The following VRK2 variants were observed in gnomAD, a reference collection of about 807,000 sequenced individuals.
VRK2 encodes the protein serine/threonine-protein kinase VRK2.
A neutral mutation model predicts 57.6 loss-of-function variants in VRK2; 60 were observed. The observed-to-expected ratio is 1.04, with a 90% CI of 0.85 to 1.29. VRK2 has a LOEUF of 1.29. VRK2 is among the 50% of genes most tolerant of loss of function. VRK2 has a pLI of 0.00. For synonymous variants in VRK2, 231 were observed against 199.2 expected, an observed-to-expected ratio of 1.16 and a Z score of -1.35; for missense variants, 705 against 588.1, an observed-to-expected ratio of 1.20 and a Z score of -2.06.
chr2:57,952,006 G>A (rs535426430), intron 1 of VRK2, among the ~76,000 whole-genome samples: 4 of 143,984 alleles, frequency 2.8e-5, no homozygotes, highest in Admixed American at 7.3e-5. Context: ...AGATCCTCCC[G>A]CCACAGCCTC....
chr2:58,072,445 C>G (rs143066380), intron 2 of VRK2, among the ~76,000 whole-genome samples: 4 of 151,924 alleles, frequency 2.6e-5, no homozygotes, highest in African/African-American at 9.6e-5. Flanking sequence ...AAGTTTCTAT[C>G]TATTTCTAGT....
chr2:58,095,130 C>T (rs993954392), intron 7 of VRK2, among the ~76,000 whole-genome samples: 4 of 151,966 alleles, frequency 2.6e-5, no homozygotes, highest in African/African-American at 7.3e-5. Flanking sequence ...CCCACCTCTA[C>T]TAAAAATACA....
At chr2:58,128,089 G>T (rs1301787753) in intron 8 of VRK2, among the ~76,000 whole-genome samples, 1 of 152,058 alleles carries the variant, frequency 6.6e-6, no homozygotes, top group Non-Finnish European at 1.5e-5. Context: ...CTTCTTTATT[G>T]GAATGAAATA....
chr2:58,081,460 T>G (rs1469425655), intron 2 of VRK2, among the ~76,000 whole-genome samples: 1 of 151,932 alleles, frequency 6.6e-6, no homozygotes, highest in Non-Finnish European at 1.5e-5. Context: ...TCTAACTGTG[T>G]TTTCTTTTTC....
intron 2 of VRK2, among the ~76,000 whole-genome samples, chr2:58,051,493 T>C (rs1045912863): frequency 2.0e-5 from 3 of 152,236 alleles, no homozygotes; most frequent in Admixed American, 1.3e-4. Flanking sequence ...TTACATCATG[T>C]TTTTGCATTT....
intron 2 of VRK2, chr2:58,026,989 G>A (rs1673950555): frequency 6.6e-6 from 1 of 151,866 alleles, no homozygotes; most frequent in Non-Finnish European, 1.5e-5. Context: ...AAAGTGCTGG[G>A]ATTACAGGCT....
chr2:58,127,538 A>T (rs1678553012), intron 8 of VRK2, among the ~76,000 whole-genome samples: 1 of 152,170 alleles, frequency 6.6e-6, no homozygotes, highest in Non-Finnish European at 1.5e-5. Context: ...AAATTGCAGT[A>T]AGTCATGGTC....
intron 1 of VRK2, among the ~76,000 whole-genome samples, chr2:57,985,146 AACTT>A (rs1484969080): frequency 2.0e-5 from 3 of 152,048 alleles, no homozygotes; most frequent in Admixed American, 6.5e-5. Flanking sequence ...TATTGGGTAA[AACTT>A]AATTTAATAG....
chr2:58,077,313 C>T lies in VRK2; in HGVS notation c.137-6776C>T, dbSNP rs76371772. Among the ~76,000 whole-genome samples, 1,011 of 152,142 alleles carry T rather than the reference C, an allele frequency of 6.6e-3. 17 individuals are homozygous for T. Among genetic ancestry groups the T allele is most frequent in the East Asian group, 0.043 (224 of 5,166 alleles). ...GTTCATTGAATCATGATTTCCTCCA[C>T]ACAAGTCCTCGGATTCTTAATTTGT... On this transcript the variant is annotated intron_variant, in intron 2 of 12. Coordinates refer to ENST00000340157, the MANE Select transcript of VRK2 (RefSeq NM_006296.7).
chr2:57,911,918 A>T (rs1669997335), intron 1 of VRK2, among the ~76,000 whole-genome samples: 1 of 152,192 alleles, frequency 6.6e-6, no homozygotes, highest in African/African-American at 2.4e-5. Flanking sequence ...TGGGAATATA[A>T]TGAGTTATAA....
At chr2:57,974,488 T>C (rs933864607) in intron 1 of VRK2, among the ~76,000 whole-genome samples, 1 of 151,856 alleles carries the variant, frequency 6.6e-6, no homozygotes, top group Admixed American at 6.6e-5. Context: ...CATATTCTCT[T>C]ATTACAGTGC....
intron 1 of VRK2, among the ~76,000 whole-genome samples, chr2:57,940,408 G>A (rs907690407): frequency 1.3e-5 from 2 of 152,138 alleles, no homozygotes; most frequent in African/African-American, 2.4e-5. Flanking sequence ...GCCCACCCAC[G>A]CTGAGGAGGA....
At chr2:57,954,927 A>G (rs1671536433) in intron 1 of VRK2, among the ~76,000 whole-genome samples, 1 of 152,200 alleles carries the variant, frequency 6.6e-6, no homozygotes, top group African/African-American at 2.4e-5. Flanking sequence ...TCTGGAAATT[A>G]TGTAGATTAT....
intron 12 of VRK2, chr2:58,147,120 C>T (rs776700658): frequency 1.9e-6 from 1 of 516,970 alleles, no homozygotes; most frequent in African/African-American, 1.9e-5. Flanking sequence ...TAATTTAATA[C>T]CCCACCTTGT....
intron 1 of VRK2, among the ~76,000 whole-genome samples, chr2:57,936,974 A>G (rs185197007): frequency 6.6e-6 from 1 of 152,302 alleles, no homozygotes; most frequent in East Asian, 1.9e-4. Context: ...TTAAAACAAT[A>G]TATCTGCTCT....
intron 1 of VRK2, among the ~76,000 whole-genome samples, chr2:57,953,999 C>T (rs1188423937): frequency 1.3e-5 from 2 of 152,104 alleles, no homozygotes; most frequent in Admixed American, 1.3e-4. Flanking sequence ...TTCTCCTATG[C>T]CTCTCCCATC....
chr2:58,124,333 T>A (rs189823680), intron 8 of VRK2, among the ~76,000 whole-genome samples: 1 of 152,348 alleles, frequency 6.6e-6, no homozygotes, highest in Non-Finnish European at 1.5e-5. Context: ...ATATGGTCAA[T>A]GCAACTGTAC....
Position 58,048,915 on chromosome 2 carries a change from G to T in VRK2, c.84G>T (p.Gln28His), listed in dbSNP as rs1311781124. ...GKVLDDMEGN[Q>H]WVLGKKIGSG... ...TTCTGGATGATATGGAAGGCAATCAGTGGGTACTGGGCAAGAAGATTGGCT... is the reference window on the plus strand; with the variant it reads ...TTCTGGATGATATGGAAGGCAATCATTGGGTACTGGGCAAGAAGATTGGCT... Residue 28 changes from glutamine to histidine, a missense_variant, in exon 2 of 13, where the codon CAG (glutamine) becomes CAT (histidine). Transcript: ENST00000340157. The T allele has an allele frequency of 1.7e-5, 27 of 1,613,962 alleles. No individual in the cohort carries two copies. Among genetic ancestry groups the T allele is most frequent in the Non-Finnish European group, 2.3e-5 (27 of 1,179,922 alleles).
At chr2:58,020,306 A>G (rs1673712112) in intron 1 of VRK2, among the ~76,000 whole-genome samples, 1 of 152,198 alleles carries the variant, frequency 6.6e-6, no homozygotes, top group Non-Finnish European at 1.5e-5. Context: ...CTTGGCCTCA[A>G]GCAATCCTCC....
Sources: allele counts gnomAD v4.1 joint callset (sites outside exome capture counted in the v4.1 genomes callset), GRCh38; gene constraint gnomAD v4.1.1; transcripts MANE v1.5; gene names NCBI Gene and HGNC (gene_info 2026-07-23, HGNC 2026-07-21).